DAB1: variants seen among roughly 807,000 people sequenced by gnomAD.
DAB1 encodes DAB adaptor protein 1, also known as disabled homolog 1.
Under a neutral mutation model 64.6 loss-of-function variants are expected in DAB1, and 15 were observed. The observed-to-expected ratio is 0.23, with a 90% CI of 0.16 to 0.36. The LOEUF is 0.36. DAB1 is among the 10% of genes least tolerant of loss of function. The pLI is 1.00. For synonymous variants in DAB1, 235 were observed against 251.9 expected (o/e 0.93, Z 0.64); for missense variants, 596 against 706.7 (o/e 0.84, Z 1.78).
chr1:57,805,092 G>A (rs1222783660), intron 6 of DAB1, among the ~76,000 whole-genome samples: 1 of 152,140 alleles, frequency 6.6e-6, no homozygotes, highest in East Asian at 1.9e-4. Context: ...GCAGCATGTG[G>A]TATTGAGATT....
chr1:57,794,323 A>G (rs1569706937), intron 6 of DAB1, among the ~76,000 whole-genome samples: 1 of 152,204 alleles, frequency 6.6e-6, no homozygotes, highest in Non-Finnish European at 1.5e-5. Flanking sequence ...ACGAGGCTCA[A>G]GGCTTATCAT....
At chr1:57,017,921 G>T (rs1361881811) in intron 11 of DAB1, among the ~76,000 whole-genome samples, 2 of 152,108 alleles carry the variant, frequency 1.3e-5, no homozygotes, top group Non-Finnish European at 2.9e-5. Context: ...TGCCCCCTAG[G>T]GGTGGCTAGA....
intron 7 of DAB1, among the ~76,000 whole-genome samples, chr1:57,536,775 C>T (rs989871953): frequency 2.0e-5 from 3 of 152,080 alleles, no homozygotes; most frequent in African/African-American, 7.2e-5. Context: ...TTTCTGCTGC[C>T]GCAGCCCCAC....
At chr1:58,172,158 T>C (rs1005590115) in intron 4 of DAB1, among the ~76,000 whole-genome samples, 1 of 152,156 alleles carries the variant, frequency 6.6e-6, no homozygotes, top group African/African-American at 2.4e-5. Context: ...TTCAAAACCT[T>C]AAAGCAGGCC....
intron 6 of DAB1, among the ~76,000 whole-genome samples, chr1:57,695,063 G>C (rs1432930448): frequency 6.6e-6 from 1 of 151,472 alleles, no homozygotes; most frequent in African/African-American, 2.4e-5. Context: ...ATAAATAAAA[G>C]AGTTGCATAA....
chr1:57,987,847 GT>G (rs150300744), intron 5 of DAB1, among the ~76,000 whole-genome samples: 24 of 147,562 alleles, frequency 1.6e-4, no homozygotes, highest in Non-Finnish European at 2.2e-4. Flanking sequence ...TGTTTTTTTT[GT>G]TTTTTTTTTC....
chr1:57,818,482 G>T (rs1651970002), intron 6 of DAB1, among the ~76,000 whole-genome samples: 1 of 151,738 alleles, frequency 6.6e-6, no homozygotes, highest in African/African-American at 2.4e-5. Flanking sequence ...AAAATGGATG[G>T]GTCAAAATAC....
chr1:57,359,781 G>T (rs1203001710), intron 1 of DAB1, among the ~76,000 whole-genome samples: 1 of 152,048 alleles, frequency 6.6e-6, no homozygotes, highest in African/African-American at 2.4e-5. Context: ...CCTGCCATTT[G>T]TGACAAGATG....
At chr1:58,033,636 C>A (rs1042238642) in intron 5 of DAB1, among the ~76,000 whole-genome samples, 1 of 152,180 alleles carries the variant, frequency 6.6e-6, no homozygotes, top group Admixed American at 6.5e-5. Flanking sequence ...GGTAGTGATA[C>A]TATTTTTACT....
intron 4 of DAB1, among the ~76,000 whole-genome samples, chr1:58,307,333 C>A (rs1403925781): frequency 1.3e-5 from 2 of 152,230 alleles, no homozygotes; most frequent in South Asian, 4.1e-4. Context: ...AAACTTGGCC[C>A]CTGCCCTTCA....
rs928699096 is a variant in DAB1, at chr1:58,187,588, A to G, written n.310-37000T>C. 1.1e-4 allele frequency among the ~76,000 whole-genome samples: 17 copies of G among 148,900 alleles called. No individual in the cohort carries two copies. The East Asian group carries it at 2.5e-3, about 22-fold the overall frequency. On this transcript the variant is annotated intron_variant and non_coding_transcript_variant, in intron 4 of 20. Transcript: ENST00000485760. ...ATATATTATTATTATTATTATTATT[A>G]TAATTTTTGAGAAAGAGTTGCACTC...
intron 9 of DAB1, among the ~76,000 whole-genome samples, chr1:57,060,921 CA>C: frequency 6.6e-6 from 1 of 151,786 alleles, no homozygotes; most frequent in Non-Finnish European, 1.5e-5. Context: ...ACCAAGGCAG[CA>C]AATGGAGCAT....
chr1:57,162,626 C>T (rs945611782), intron 2 of DAB1, among the ~76,000 whole-genome samples: 4 of 152,208 alleles, frequency 2.6e-5, no homozygotes, highest in Non-Finnish European at 5.9e-5. Flanking sequence ...TAGAAAAAAT[C>T]CAAGGGATTT....
intron 3 of DAB1, among the ~76,000 whole-genome samples, chr1:58,374,077 A>T (rs7527581): frequency 0.38 from 9,717 of 25,628 alleles, 3,884 homozygotes; most frequent in East Asian, 0.99. Flanking sequence ...TTCTGGATAT[A>T]CGCCCTTTGT....
chr1:58,093,989 C>G (rs1257392172), intron 5 of DAB1, among the ~76,000 whole-genome samples: 5 of 152,114 alleles, frequency 3.3e-5, no homozygotes, highest in Non-Finnish European at 7.4e-5. Context: ...TGGTTTCTAG[C>G]TAGTGGGGAA....
chr1:58,292,126 TA>T (rs774359977), intron 4 of DAB1, among the ~76,000 whole-genome samples: 26 of 152,206 alleles, frequency 1.7e-4, no homozygotes, highest in Non-Finnish European at 3.2e-4. Flanking sequence ...GACTGGGGTT[TA>T]TACCATCTGC....
chr1:57,852,000 G>C (rs956218383), intron 1 of DAB1, among the ~76,000 whole-genome samples: 1 of 152,190 alleles, frequency 6.6e-6, no homozygotes, highest in Non-Finnish European at 1.5e-5. Context: ...GCCTTGGCGT[G>C]CTGAGCACTT....
chr1:58,064,058 C>T (rs1459549537), intron 5 of DAB1, among the ~76,000 whole-genome samples: 1 of 152,156 alleles, frequency 6.6e-6, no homozygotes, highest in African/African-American at 2.4e-5. Flanking sequence ...AAATCCTACT[C>T]TCCCTTTATT....
intron 4 of DAB1, among the ~76,000 whole-genome samples, chr1:58,204,718 C>T (rs1013443410): frequency 2.0e-5 from 3 of 152,196 alleles, no homozygotes; most frequent in African/African-American, 2.4e-5. Flanking sequence ...TTAATTCCCA[C>T]GCATAAACTT....
Sources: gnomAD v4.1 joint callset for allele counts (sites outside exome capture counted in the v4.1 genomes callset) on GRCh38, gnomAD v4.1.1 for gene constraint, MANE v1.5 for transcripts, NCBI Gene and HGNC (gene_info 2026-07-23, HGNC 2026-07-21) for gene names.